The following CACNB2 variants were observed in gnomAD, a reference collection of about 807,000 sequenced individuals.
The protein encoded by CACNB2 is voltage-dependent L-type calcium channel subunit beta-2.
In CACNB2, 42 loss-of-function variants were observed where a neutral mutation model predicts 73.3. The observed-to-expected ratio is 0.57, with a 90% CI of 0.45 to 0.74. The LOEUF is 0.74. CACNB2 is among the 30% of genes least tolerant of loss of function. The probability of loss-of-function intolerance (pLI) is 0.00; values close to 1 mark genes in which losing one functional copy is unlikely to be tolerated. For missense variants in CACNB2, 940 were observed against 853.0 expected (o/e 1.10, Z -1.27); for synonymous variants, 348 against 310.3 (o/e 1.12, Z -1.28).
At chr10:18,214,902 C>T (rs943356158) in intron 2 of CACNB2, among the ~76,000 whole-genome samples, 5 of 152,112 alleles carry the variant, frequency 3.3e-5, no homozygotes, top group East Asian at 1.9e-4. Flanking sequence ...GTCATGTCCA[C>T]GCCAGGGATT....
chr10:18,532,830 GA>G (rs2053200409), intron 10 of CACNB2, among the ~76,000 whole-genome samples: 1 of 152,038 alleles, frequency 6.6e-6, no homozygotes, highest in Non-Finnish European at 1.5e-5. Context: ...AAACAAAGAT[GA>G]AAATCTTTGT....
intron 2 of CACNB2, among the ~76,000 whole-genome samples, chr10:18,254,799 A>C (rs1168176227): frequency 6.6e-6 from 1 of 152,238 alleles, no homozygotes; most frequent in Non-Finnish European, 1.5e-5. Flanking sequence ...ACATGAAAAC[A>C]AAGGTTTATC....
intron 5 of CACNB2, among the ~76,000 whole-genome samples, chr10:18,503,325 G>A (rs201916468): frequency 2.8e-4 from 43 of 152,138 alleles, no homozygotes; most frequent in African/African-American, 6.3e-4. Flanking sequence ...GGCCAAGCAC[G>A]GTGGCTCATG....
intron 3 of CACNB2, among the ~76,000 whole-genome samples, chr10:18,485,561 T>C (rs2049013143): frequency 2.8e-5 from 3 of 108,838 alleles, no homozygotes; most frequent in Non-Finnish European, 4.2e-5. Flanking sequence ...TCTCTCTCTT[T>C]TTTTTTTTTT....
At chr10:18,307,171 C>A (rs1309536723) in intron 2 of CACNB2, among the ~76,000 whole-genome samples, 1 of 152,072 alleles carries the variant, frequency 6.6e-6, no homozygotes, top group African/African-American at 2.4e-5. Context: ...TAAATAAATG[C>A]CATTCTTTTA....
Position 18,534,716 on chromosome 10 carries a change from CTT to C in CACNB2, c.1206+492_1206+493del, listed in dbSNP as rs577633718. Among the ~76,000 whole-genome samples, 713 of 152,286 alleles carry C rather than the reference CTT, an allele frequency of 4.7e-3. 3 individuals are homozygous for C. Among genetic ancestry groups the C allele is most frequent in the African/African-American group, 0.014 (591 of 41,558 alleles). ...GTTTATTACTTTTATTAAATCTTGACTTTTAATATTCAGTGTACTAAAACAAA... is the reference window on the plus strand; with the variant it reads ...GTTTATTACTTTTATTAAATCTTGACTTAATATTCAGTGTACTAAAACAAA... On this transcript the variant is annotated intron_variant, in intron 11 of 13. Coordinates refer to ENST00000324631, the MANE Select transcript of CACNB2 (RefSeq NM_201596.3).
chr10:18,484,049 A>G (rs1292545523), intron 3 of CACNB2, among the ~76,000 whole-genome samples: 1 of 152,184 alleles, frequency 6.6e-6, no homozygotes, highest in Non-Finnish European at 1.5e-5. Flanking sequence ...GTCTAGCAAG[A>G]TTGCCTTATA....
intron 3 of CACNB2, among the ~76,000 whole-genome samples, chr10:18,454,196 C>T (rs1564567505): frequency 6.6e-6 from 1 of 152,148 alleles, no homozygotes; most frequent in Non-Finnish European, 1.5e-5. Flanking sequence ...TAGGAACATT[C>T]AGGGGAAGTA....
intron 3 of CACNB2, among the ~76,000 whole-genome samples, chr10:18,463,766 C>T (rs1486531866): frequency 6.6e-6 from 1 of 152,048 alleles, no homozygotes; most frequent in Non-Finnish European, 1.5e-5. Context: ...TAGTCATCCC[C>T]TCTCTACTGG....
intron 3 of CACNB2, among the ~76,000 whole-genome samples, chr10:18,419,356 G>C (rs201237485): frequency 1.3e-5 from 2 of 152,082 alleles, no homozygotes; most frequent in Non-Finnish European, 2.9e-5. Flanking sequence ...TGTATGTTAG[G>C]TAAGACATAG....
intron 2 of CACNB2, among the ~76,000 whole-genome samples, chr10:18,202,204 G>T (rs890988115): frequency 6.6e-6 from 1 of 152,162 alleles, no homozygotes; most frequent in Non-Finnish European, 1.5e-5. Flanking sequence ...CACAAAAAGA[G>T]GTGAATTTGG....
intron 3 of CACNB2, among the ~76,000 whole-genome samples, chr10:18,464,519 C>T (rs930291868): frequency 2.0e-5 from 3 of 151,562 alleles, no homozygotes; most frequent in African/African-American, 4.8e-5. Context: ...TATATTCACA[C>T]GGACCTCAAA....
At chr10:18,427,981 A>G (rs986388524) in intron 3 of CACNB2, among the ~76,000 whole-genome samples, 2 of 152,072 alleles carry the variant, frequency 1.3e-5, no homozygotes, top group African/African-American at 4.8e-5. Flanking sequence ...TAATCACACA[A>G]GCTTTTTACA....
Position 18,534,208 on chromosome 10 carries a change from TAA to T in CACNB2, c.1189_1190del (p.Lys397AspfsTer5). On this transcript the variant is annotated frameshift_variant, in exon 11 of 14. Transcript: ENST00000324631. LOFTEE classifies it high-confidence loss of function. ...TCCTTGGCCCCTATTATAGTATATG[TAA>T]AGATTTCTTCTCCTAAGGTAAGTAG... 6.2e-7 allele frequency: 1 copy of T among 1,613,328 alleles called. No individual in the cohort carries two copies. Among genetic ancestry groups the T allele is most frequent in the Non-Finnish European group, 8.5e-7 (1 of 1,179,268 alleles).
intron 3 of CACNB2, among the ~76,000 whole-genome samples, chr10:18,409,792 A>T (rs375914921): frequency 6.6e-6 from 1 of 152,110 alleles, no homozygotes; most frequent in African/African-American, 2.4e-5. Flanking sequence ...GTCTTGCTCT[A>T]TTGGACCGCT....
chr10:18,528,489 T>C (rs1346066582), intron 10 of CACNB2, among the ~76,000 whole-genome samples: 1 of 152,194 alleles, frequency 6.6e-6, no homozygotes, highest in Non-Finnish European at 1.5e-5. Context: ...TGTCAGATCT[T>C]TGAGCTTAAT....
intron 2 of CACNB2, among the ~76,000 whole-genome samples, chr10:18,250,198 T>G (rs924204061): frequency 1.3e-5 from 2 of 152,204 alleles, no homozygotes; most frequent in African/African-American, 4.8e-5. Context: ...CTCTTGGCAG[T>G]CTCCACACAG....
chr10:18,353,207 C>T (rs956102641), intron 2 of CACNB2, among the ~76,000 whole-genome samples: 2 of 152,064 alleles, frequency 1.3e-5, no homozygotes, highest in Non-Finnish European at 2.9e-5. Context: ...GTCAGGAGTT[C>T]GAGACCACCC....
chr10:18,313,445 A>G (rs1055916968), intron 2 of CACNB2, among the ~76,000 whole-genome samples: 1 of 151,654 alleles, frequency 6.6e-6, no homozygotes, highest in African/African-American at 2.4e-5. Flanking sequence ...GTCTCCTGGG[A>G]AAGGCAAAAT....
Sources: allele counts gnomAD v4.1 joint callset (sites outside exome capture counted in the v4.1 genomes callset), GRCh38; gene constraint gnomAD v4.1.1; transcripts MANE v1.5; gene names NCBI Gene and HGNC (gene_info 2026-07-23, HGNC 2026-07-21).